The following BLTP3B variants were observed in gnomAD, a reference collection of about 807,000 sequenced individuals.
BLTP3B encodes the protein UHRF1 (ICBP90) binding protein 1-like.
chr12:100,124,936 T>TATATATATATA, the BLTP3B span, among the ~76,000 whole-genome samples: 3 of 56,534 alleles, frequency 5.3e-5, no homozygotes, highest in Non-Finnish European at 6.5e-5. Flanking sequence ...AAAAAAAATT[T>TATATATATATA]TATATATATA....
the BLTP3B span, chr12:100,057,776 C>T: frequency 2.6e-6 from 4 of 1,538,352 alleles, no homozygotes; most frequent in Non-Finnish European, 3.5e-6. Context: ...AAAATTATTA[C>T]ATATAGAGAA....
chr12:100,059,210 A>C, the BLTP3B span: 11 of 1,613,988 alleles, frequency 6.8e-6, no homozygotes, highest in African/African-American at 1.3e-4. Context: ...CATCCGTGGC[A>C]GCAGAAGTTT....
chr12:100,125,998 G>A, the BLTP3B span, among the ~76,000 whole-genome samples: 2 of 152,190 alleles, frequency 1.3e-5, no homozygotes, highest in Admixed American at 6.5e-5. Flanking sequence ...AGGTGCAGTG[G>A]CTCACGCCTG....
the BLTP3B span, among the ~76,000 whole-genome samples, chr12:100,082,686 A>G: frequency 6.6e-6 from 1 of 152,250 alleles, no homozygotes; most frequent in Non-Finnish European, 1.5e-5. Flanking sequence ...ACTTTGTCGA[A>G]GATCACATGG....
the BLTP3B span, among the ~76,000 whole-genome samples, chr12:100,040,798 C>T: frequency 5.3e-5 from 8 of 152,132 alleles, no homozygotes; most frequent in Non-Finnish European, 1.2e-4. Flanking sequence ...GTCAATAGAC[C>T]TATAGCTGAG....
chr12:100,130,166 G>A, the BLTP3B span, among the ~76,000 whole-genome samples: 1 of 152,078 alleles, frequency 6.6e-6, no homozygotes, highest in Non-Finnish European at 1.5e-5. Context: ...CACCATGTTG[G>A]CCAGGCTGGT....
the BLTP3B span, among the ~76,000 whole-genome samples, chr12:100,098,174 C>T: frequency 6.6e-6 from 1 of 152,092 alleles, no homozygotes; most frequent in Non-Finnish European, 1.5e-5. Context: ...GCCGTGATTG[C>T]GCCACTGCAC....
the BLTP3B span, among the ~76,000 whole-genome samples, chr12:100,094,145 A>C: frequency 3.9e-5 from 6 of 152,164 alleles, no homozygotes; most frequent in Non-Finnish European, 8.8e-5. Context: ...TTGGAAACAG[A>C]TCTCACTCTG....
the BLTP3B span, among the ~76,000 whole-genome samples, chr12:100,053,305 TGAG>T: frequency 0.021 from 3,203 of 151,778 alleles, 122 homozygotes; most frequent in African/African-American, 0.073. Context: ...TTCAGGAGGC[TGAG>T]GAGGCAGGAG....
chr12:100,097,184 A>T, the BLTP3B span, among the ~76,000 whole-genome samples: 3 of 152,252 alleles, frequency 2.0e-5, no homozygotes, highest in Admixed American at 6.5e-5. Flanking sequence ...TATAAATATT[A>T]TCTGAGTAAC....
At chr12:100,117,441 T>C in the BLTP3B span, among the ~76,000 whole-genome samples, 2 of 152,144 alleles carry the variant, frequency 1.3e-5, no homozygotes, top group Non-Finnish European at 2.9e-5. Context: ...CATACACTAG[T>C]GACTTCAGAA....
At chr12:100,102,110 C>CTTT in the BLTP3B span, among the ~76,000 whole-genome samples, 12 of 135,096 alleles carry the variant, frequency 8.9e-5, 1 homozygote, top group African/African-American at 3.0e-4. Flanking sequence ...CAACTTAACT[C>CTTT]TTTTTTTTTT....
the BLTP3B span, among the ~76,000 whole-genome samples, chr12:100,132,483 A>T: frequency 2.6e-5 from 4 of 152,194 alleles, no homozygotes; most frequent in African/African-American, 9.7e-5. Context: ...AGGTTGTTAT[A>T]AAGCCAAGAC....
At chr12:100,115,780 A>C in the BLTP3B span, among the ~76,000 whole-genome samples, 1 of 152,202 alleles carries the variant, frequency 6.6e-6, no homozygotes, top group East Asian at 1.9e-4. Flanking sequence ...AAACAAAAAA[A>C]CAAAAAAAAC....
At chr12:100,037,405 C>T in the BLTP3B span, 3 of 1,250,114 alleles carry the variant, frequency 2.4e-6, no homozygotes, top group Non-Finnish European at 3.0e-6. Context: ...CCCTAGATCA[C>T]AACAGCTTAA....
chr12:100,080,558 G>A, the BLTP3B span, among the ~76,000 whole-genome samples: 2 of 152,138 alleles, frequency 1.3e-5, no homozygotes, highest in Non-Finnish European at 1.5e-5. Flanking sequence ...ATTTGCATGG[G>A]GCCTGTAGCC....
chr12:100,044,511 T>C, the BLTP3B span, among the ~76,000 whole-genome samples: 1 of 152,174 alleles, frequency 6.6e-6, no homozygotes, highest in Non-Finnish European at 1.5e-5. Flanking sequence ...CTCTTTCCAC[T>C]ACTCACTACC....
the BLTP3B span, among the ~76,000 whole-genome samples, chr12:100,115,821 T>C: frequency 6.6e-6 from 1 of 151,792 alleles, no homozygotes; most frequent in Admixed American, 6.6e-5. Context: ...GACCAAGTGT[T>C]TATTCTAGAA....
At chr12:100,112,784 C>G in the BLTP3B span, among the ~76,000 whole-genome samples, 55 of 147,776 alleles carry the variant, frequency 3.7e-4, no homozygotes, top group Middle Eastern at 3.6e-3. Flanking sequence ...TGCCTGAACC[C>G]GGGAGGCGGA....
Sources: allele counts gnomAD v4.1 joint callset (sites outside exome capture counted in the v4.1 genomes callset), GRCh38; gene constraint gnomAD v4.1.1; transcripts MANE v1.5; gene names NCBI Gene and HGNC (gene_info 2026-07-23, HGNC 2026-07-21).